Variants in PTPRD observed in about 807,000 individuals in gnomAD.
PTPRD encodes the protein receptor-type tyrosine-protein phosphatase delta.
PTPRD carries 34 observed loss-of-function variants against 214.5 expected under a neutral mutation model. That is an observed-to-expected ratio of 0.16 (90% CI 0.12 to 0.21). The LOEUF is 0.21. PTPRD is among the 10% of genes least tolerant of loss of function. The pLI is 1.00. For synonymous variants in PTPRD, 1,128 were observed against 845.7 expected, an observed-to-expected ratio of 1.33 and a Z score of -5.79; for missense variants, 2,545 against 2,398.7, an observed-to-expected ratio of 1.06 and a Z score of -1.27.
chr9:9,887,826 T>G (rs567861905), intron 5 of PTPRD, among the ~76,000 whole-genome samples: 1 of 152,110 alleles, frequency 6.6e-6, no homozygotes, highest in South Asian at 2.1e-4. Flanking sequence ...GTACACTGAT[T>G]CAGCTGACAC....
intron 5 of PTPRD, among the ~76,000 whole-genome samples, chr9:9,897,695 C>T (rs956321197): frequency 1.3e-5 from 2 of 151,988 alleles, no homozygotes; most frequent in African/African-American, 4.8e-5. Context: ...GGATTTTACT[C>T]AAACATAATA....
At chr9:9,770,239 T>C (rs2098741294) in intron 5 of PTPRD, among the ~76,000 whole-genome samples, 1 of 152,210 alleles carries the variant, frequency 6.6e-6, no homozygotes, top group Admixed American at 6.5e-5. Context: ...TGTAAAAGCG[T>C]TCCTATTTCT....
intron 9 of PTPRD, among the ~76,000 whole-genome samples, chr9:9,247,428 T>C (rs771668575): frequency 1.6e-4 from 24 of 152,112 alleles, no homozygotes; most frequent in Non-Finnish European, 3.1e-4. Context: ...CCACATCCCA[T>C]AAAACGTTGA....
At chr9:8,632,213 C>T (rs1327570699) in intron 14 of PTPRD, among the ~76,000 whole-genome samples, 3 of 151,104 alleles carry the variant, frequency 2.0e-5, no homozygotes, top group East Asian at 2.0e-4. Flanking sequence ...CTAATTACTG[C>T]TGGCCTCCAA....
rs552898345 is a variant in PTPRD, at chr9:10,386,413, T to C, written c.-599-45396A>G. ...TTATCTCTTCCTCCATCATCAATCT[T>C]TATCACATAGGGTTGAGGAAATGAT... On this transcript the variant is annotated intron_variant, in intron 2 of 45. Transcript: ENST00000381196. Among the ~76,000 whole-genome samples the C allele has an allele frequency of 2.6e-5, 4 of 151,976 alleles. No homozygotes were observed. In the South Asian group the frequency reaches 6.2e-4, roughly 24 times the overall value.
chr9:10,210,817 ATATATGTATGTATG>A (rs1463029664), intron 3 of PTPRD, among the ~76,000 whole-genome samples: 3 of 84,918 alleles, frequency 3.5e-5, no homozygotes, highest in African/African-American at 9.8e-5. Context: ...ATATATATAT[ATATATGTATGTATG>A]TATGTATGTA....
intron 4 of PTPRD, among the ~76,000 whole-genome samples, chr9:9,939,282 C>G (rs1039060337): frequency 1.3e-5 from 2 of 152,124 alleles, no homozygotes; most frequent in Admixed American, 6.6e-5. Context: ...GTACTGCACA[C>G]AAATAGAGCT....
intron 44 of PTPRD, among the ~76,000 whole-genome samples, chr9:8,321,859 T>G (rs1828653148): frequency 6.6e-6 from 1 of 152,046 alleles, no homozygotes; most frequent in South Asian, 2.1e-4. Context: ...AGATACTGTG[T>G]TTTTCACAAA....
chr9:9,032,560 T>C (rs895173), intron 10 of PTPRD, among the ~76,000 whole-genome samples: 33,194 of 151,860 alleles, frequency 0.22, 4,107 homozygotes, highest in Non-Finnish European at 0.29. Flanking sequence ...GGCAATGTTC[T>C]GTACCTGTGG....
At chr9:8,508,897 G>C (rs201934022) in intron 21 of PTPRD, among the ~76,000 whole-genome samples, 25,792 of 144,972 alleles carry the variant, frequency 0.18, 2,323 homozygotes, top group East Asian at 0.25. Context: ...GTGTCTGTGT[G>C]TGTGTGTGTG....
At chr9:8,979,105 C>T (rs867712611) in intron 11 of PTPRD, among the ~76,000 whole-genome samples, 1 of 152,132 alleles carries the variant, frequency 6.6e-6, no homozygotes, top group African/African-American at 2.4e-5. Flanking sequence ...AAAAGCAGTT[C>T]AGTTCCTTAT....
chr9:10,591,492 C>A (rs1338585934), intron 2 of PTPRD, among the ~76,000 whole-genome samples: 1 of 151,984 alleles, frequency 6.6e-6, no homozygotes, highest in Admixed American at 6.6e-5. Flanking sequence ...GGAGAGTTGT[C>A]ATCTAATGCT....
intron 3 of PTPRD, among the ~76,000 whole-genome samples, chr9:10,257,885 A>AT (rs758806654): frequency 5.3e-5 from 8 of 152,196 alleles, no homozygotes; most frequent in Non-Finnish European, 8.8e-5. Context: ...ATAAAACAAA[A>AT]TAACACCCTT....
chr9:10,243,717 AATCTTGCTCCAACCTCTAATTACT>A (rs931840954), intron 3 of PTPRD, among the ~76,000 whole-genome samples: 46 of 152,088 alleles, frequency 3.0e-4, no homozygotes, highest in African/African-American at 1.0e-3. Context: ...TCCTACTCAC[AATCTTGCTCCAACCTCTAATTACT>A]ATCTTGCTCC....
intron 9 of PTPRD, among the ~76,000 whole-genome samples, chr9:9,222,464 T>C (rs2099956750): frequency 6.6e-6 from 1 of 152,026 alleles, no homozygotes; most frequent in East Asian, 1.9e-4. Flanking sequence ...CAAAGCAACT[T>C]TAAAAAATTT....
At chr9:10,356,389 A>G (rs867190827) in intron 2 of PTPRD, among the ~76,000 whole-genome samples, 1 of 152,216 alleles carries the variant, frequency 6.6e-6, no homozygotes, top group Admixed American at 6.5e-5. Flanking sequence ...TTTGTTCTAT[A>G]TACTCAAAAT....
chr9:10,409,773 C>G (rs972878580), intron 2 of PTPRD, among the ~76,000 whole-genome samples: 2 of 151,688 alleles, frequency 1.3e-5, no homozygotes, highest in African/African-American at 4.8e-5. Context: ...AGGTGTGTTT[C>G]TATGAAGACA....
chr9:9,800,803 T>G (rs1372578138), intron 5 of PTPRD: 1 of 152,162 alleles, frequency 6.6e-6, no homozygotes, highest in Non-Finnish European at 1.5e-5. Context: ...CTCATCCACA[T>G]CTCTAGCTGA....
At chr9:10,478,974 A>G (rs546408404) in intron 2 of PTPRD, among the ~76,000 whole-genome samples, 32 of 152,232 alleles carry the variant, frequency 2.1e-4, no homozygotes, top group African/African-American at 6.5e-4. Context: ...AATATTAATA[A>G]TTGAATAAAA....
Sources: allele counts gnomAD v4.1 joint callset (sites outside exome capture counted in the v4.1 genomes callset), GRCh38; gene constraint gnomAD v4.1.1; transcripts MANE v1.5; gene names NCBI Gene and HGNC (gene_info 2026-07-23, HGNC 2026-07-21).